KAZN: variants seen among roughly 807,000 people sequenced by gnomAD.
The protein encoded by KAZN is kazrin, periplakin interacting protein.
KAZN carries 40 observed loss-of-function variants against 87.4 expected under a neutral mutation model. The ratio of observed to expected loss-of-function variants is 0.46; its 90% CI spans 0.36 to 0.60. The LOEUF (loss-of-function observed/expected upper bound fraction) is 0.60. Among genes scored for constraint, KAZN ranks in the 20% least tolerant of loss-of-function variants. The pLI is 0.00. For missense variants in KAZN, 898 were observed against 1,073.9 expected (o/e 0.84, Z 2.29); for synonymous variants, 466 against 458.3 (o/e 1.02, Z -0.22).
chr1:13,935,636 A>G (rs1570325046), intron 1 of KAZN, among the ~76,000 whole-genome samples: 1 of 152,200 alleles, frequency 6.6e-6, no homozygotes, highest in South Asian at 2.1e-4. Context: ...GAGCTTCAGC[A>G]CTGGCCTATA....
At chr1:14,053,611 A>G (rs1557436403) in intron 1 of KAZN, among the ~76,000 whole-genome samples, 1 of 152,194 alleles carries the variant, frequency 6.6e-6, no homozygotes, top group South Asian at 2.1e-4. Context: ...ACCCAGAACT[A>G]CGTTACAATC....
chr1:14,448,150 C>T (rs777191759), intron 2 of KAZN, among the ~76,000 whole-genome samples: 27 of 152,232 alleles, frequency 1.8e-4, no homozygotes, highest in Non-Finnish European at 3.2e-4. Context: ...GCACTTTGGA[C>T]ATCTCCCCTT....
chr1:14,512,270 G>A (rs993908065), intron 2 of KAZN, among the ~76,000 whole-genome samples: 1 of 152,116 alleles, frequency 6.6e-6, no homozygotes, highest in Non-Finnish European at 1.5e-5. Context: ...TGGTAGTTGA[G>A]GGCAAAGTTT....
chr1:14,973,554 G>T (rs1209021869), intron 2 of KAZN, among the ~76,000 whole-genome samples: 4 of 152,112 alleles, frequency 2.6e-5, no homozygotes, highest in African/African-American at 9.7e-5. Flanking sequence ...GATAGGGTGG[G>T]CATGTAAAAG....
At chr1:15,071,271 A>G (rs1232004581) in intron 8 of KAZN, among the ~76,000 whole-genome samples, 2 of 138,542 alleles carry the variant, frequency 1.4e-5, no homozygotes, top group Non-Finnish European at 3.3e-5. Context: ...TTCTTTTTTG[A>G]GGCAGAGTCT....
intron 2 of KAZN, among the ~76,000 whole-genome samples, chr1:14,964,161 T>G (rs1224637137): frequency 6.6e-6 from 1 of 152,216 alleles, no homozygotes; most frequent in Non-Finnish European, 1.5e-5. Flanking sequence ...ATGGGATTCC[T>G]GGGTCAAATG....
chr1:14,911,917 C>T (rs1657287741), intron 1 of KAZN, among the ~76,000 whole-genome samples: 1 of 151,976 alleles, frequency 6.6e-6, no homozygotes, highest in South Asian at 2.1e-4. Flanking sequence ...TTTGGGAGGC[C>T]GAGGCAGGTA....
At chr1:13,960,161 T>C (rs1641697329) in intron 1 of KAZN, among the ~76,000 whole-genome samples, 1 of 148,844 alleles carries the variant, frequency 6.7e-6, no homozygotes. Context: ...CAATAATAAA[T>C]AATTCACTTC....
intron 1 of KAZN, among the ~76,000 whole-genome samples, chr1:14,654,140 C>A (rs1047135777): frequency 6.6e-6 from 1 of 152,198 alleles, no homozygotes; most frequent in East Asian, 1.9e-4. Context: ...TACAAAAATT[C>A]TCTGGGTGCG....
At chr1:14,926,699 G>C (rs1659204940) in intron 1 of KAZN, among the ~76,000 whole-genome samples, 1 of 152,196 alleles carries the variant, frequency 6.6e-6, no homozygotes, top group African/African-American at 2.4e-5. Flanking sequence ...TTTCCTCTAG[G>C]AGGGCGATGG....
intron 1 of KAZN, among the ~76,000 whole-genome samples, chr1:14,913,670 T>C (rs72871822): frequency 0.018 from 2,713 of 152,326 alleles, 74 homozygotes; most frequent in African/African-American, 0.062. Context: ...TTCCCAACCT[T>C]GCTGGGCGTC....
rs116519658 is a variant in KAZN, at chr1:14,168,866, G to A, written c.92-11569G>A. On this transcript the variant is annotated intron_variant, in intron 1 of 16. Transcript: ENST00000636203. ...TTGTGTGACAAGGAAATGCAATGAT[G>A]CATGCAAGCCACTCAGCACAGTGCT... 4.6e-3 allele frequency among the ~76,000 whole-genome samples: 704 copies of A among 152,270 alleles called. 5 individuals are homozygous for A. Among genetic ancestry groups the A allele is most frequent in the African/African-American group, 0.016 (646 of 41,540 alleles).
chr1:14,325,802 C>T (rs529107285), intron 2 of KAZN, among the ~76,000 whole-genome samples: 24 of 152,310 alleles, frequency 1.6e-4, no homozygotes, highest in African/African-American at 5.8e-4. Context: ...CACCATCAAG[C>T]ATACCAACTT....
At chr1:14,877,950 C>T (rs977110256) in intron 1 of KAZN, among the ~76,000 whole-genome samples, 3 of 152,154 alleles carry the variant, frequency 2.0e-5, no homozygotes, top group African/African-American at 4.8e-5. Context: ...TTGGGAGAGA[C>T]AGACATCCAG....
At chr1:14,232,631 A>G (rs545387448) in intron 2 of KAZN, among the ~76,000 whole-genome samples, 1 of 152,332 alleles carries the variant, frequency 6.6e-6, no homozygotes, top group South Asian at 2.1e-4. Flanking sequence ...TCTCCACTGC[A>G]TAAAACTAAA....
At chr1:14,575,764 A>G (rs1675138242) in intron 2 of KAZN, among the ~76,000 whole-genome samples, 1 of 152,202 alleles carries the variant, frequency 6.6e-6, no homozygotes, top group African/African-American at 2.4e-5. Flanking sequence ...TCGTTCATCT[A>G]TCCTATGGAT....
intron 2 of KAZN, among the ~76,000 whole-genome samples, chr1:14,212,291 A>G (rs1007071960): frequency 7.9e-5 from 12 of 152,200 alleles, no homozygotes; most frequent in African/African-American, 2.7e-4. Context: ...GTGATTGACG[A>G]AACCTCTCTT....
At chr1:14,997,080 A>G (rs1394997956) in intron 2 of KAZN, among the ~76,000 whole-genome samples, 1 of 151,670 alleles carries the variant, frequency 6.6e-6, no homozygotes, top group Non-Finnish European at 1.5e-5. Context: ...CTGAAATGTC[A>G]CCTGCTCGGA....
chr1:14,131,870 T>C (rs1008909810), intron 1 of KAZN, among the ~76,000 whole-genome samples: 2 of 151,698 alleles, frequency 1.3e-5, no homozygotes, highest in African/African-American at 2.4e-5. Context: ...TTCAGACTCA[T>C]TTTTTTATGA....
Sources: allele counts gnomAD v4.1 joint callset (sites outside exome capture counted in the v4.1 genomes callset), GRCh38; gene constraint gnomAD v4.1.1; transcripts MANE v1.5; gene names NCBI Gene and HGNC (gene_info 2026-07-23, HGNC 2026-07-21).